Variants in HMMR observed in about 807,000 individuals in gnomAD.
The protein encoded by HMMR is intracellular hyaluronic acid-binding protein.
HMMR carries 108 observed loss-of-function variants against 101.0 expected under a neutral mutation model. That is an observed-to-expected ratio of 1.07 (90% CI 0.92 to 1.25). HMMR has a LOEUF of 1.25. HMMR is among the 50% of genes most tolerant of loss of function. HMMR has a pLI of 0.00. For missense variants in HMMR, 813 were observed against 788.7 expected, an observed-to-expected ratio of 1.03 and a Z score of -0.37; for synonymous variants, 296 against 276.4, an observed-to-expected ratio of 1.07 and a Z score of -0.70.
Position 163,473,189 on chromosome 5 carries a change from GAGAA to G in HMMR, c.667_670del (p.Glu223ArgfsTer30). 6.5e-7 allele frequency: 1 copy of G among 1,532,648 alleles called. No homozygotes were observed. 94.9% of individuals were successfully genotyped at this position (1,532,648 alleles called of 1,614,324 possible). On this transcript the variant is annotated frameshift_variant, in exon 8 of 18. Coordinates refer to ENST00000393915, the MANE Select transcript of HMMR (RefSeq NM_001142556.2). LOFTEE classifies it high-confidence loss of function. ...CAATTTTTGTTTTAGTGTTTCAATA[GAGAA>G]AGAAAAGATTGATGAAAAATCTGAA...
At chr5:163,478,431 A>G (rs1759140523) in intron 11 of HMMR, among the ~76,000 whole-genome samples, 1 of 152,308 alleles carries the variant, frequency 6.6e-6, no homozygotes, top group South Asian at 2.1e-4. Flanking sequence ...ATAGTCTTTT[A>G]TATCCTACTA....
chr5:163,461,362 TAAATTTGCTCAG>T (rs1355160636), intron 1 of HMMR, among the ~76,000 whole-genome samples: 1 of 152,172 alleles, frequency 6.6e-6, no homozygotes, highest in East Asian at 1.9e-4. Context: ...GACTGAGACT[TAAATTTGCTCAG>T]TGCTACATTA....
chr5:163,460,634 T>C lies in HMMR; in HGVS notation c.-59T>C. ...ATTTGAAACCGGTAGGGAGTGATAA[T>C]CCGCATTCAGTTGTCGAGGAGTGCC... On this transcript the variant is annotated 5_prime_UTR_variant, in exon 1 of 18. Transcript: ENST00000393915. 17 of 1,497,606 alleles carry C rather than the reference T, an allele frequency of 1.1e-5. No individual in the cohort carries two copies. Among genetic ancestry groups the C allele is most frequent in the Non-Finnish European group, 1.6e-5 (17 of 1,091,760 alleles). 92.8% of individuals were successfully genotyped at this position (1,497,606 alleles called of 1,614,324 possible).
At chr5:163,463,732 T>C (rs1334804094) in intron 1 of HMMR, 124 bp from the exon 2 acceptor site, 1 of 439,944 alleles carries the variant, frequency 2.3e-6, no homozygotes, top group Non-Finnish European at 4.1e-6. Flanking sequence ...TGCAATTTTT[T>C]ACATTTAAAA....
intron 12 of HMMR, among the ~76,000 whole-genome samples, chr5:163,479,524 A>AAT (rs1192541973): frequency 6.6e-5 from 10 of 151,972 alleles, no homozygotes; most frequent in African/African-American, 2.2e-4. Context: ...AAATATTAAG[A>AAT]ATTAGCCAGG....
At chr5:163,476,142 G>A (rs188248812) in intron 11 of HMMR, among the ~76,000 whole-genome samples, 133 of 151,772 alleles carry the variant, frequency 8.8e-4, no homozygotes, top group African/African-American at 3.1e-3. Context: ...GTGAGACCTC[G>A]TCTCTACTAA....
chr5:163,482,718 G>A lies in HMMR; in HGVS notation c.1462G>A (p.Ala488Thr), dbSNP rs758293935. Residue 488 changes from alanine (A) to threonine (T), a missense_variant, in exon 13 of 18, where the codon GCT becomes ACT. By Grantham distance (58) the Ala-to-Thr change is moderately conservative. Coordinates refer to ENST00000393915, the MANE Select transcript of HMMR (RefSeq NM_001142556.2). Reference protein sequence around the residue: ...NSSLQEKAAKAGKNAEDVQHQ... With the variant: ...NSSLQEKAAKTGKNAEDVQHQ... ...ATCATTACAGGAAAAAGCGGCCAAG[G>A]CTGGGAAAAATGCAGAGGATGTTCA... 1 of 1,613,766 alleles carries A rather than the reference G, an allele frequency of 6.2e-7. No individual in the cohort carries two copies. The highest frequency in any genetic ancestry group is 2.2e-5 in the East Asian group (1 of 44,858).
chr5:163,469,156 A>G (rs6888006), intron 4 of HMMR, among the ~76,000 whole-genome samples: 10,902 of 151,520 alleles, frequency 0.072, 454 homozygotes, highest in African/African-American at 0.13. Context: ...CGAGGTCAGG[A>G]GATCGAGACC....
At chr5:163,480,159 A>G (rs948277144) in intron 12 of HMMR, among the ~76,000 whole-genome samples, 2 of 152,196 alleles carry the variant, frequency 1.3e-5, no homozygotes, top group Non-Finnish European at 1.5e-5. Context: ...TTCCTCTGCC[A>G]TCCCATGAAA....
At chr5:163,475,701 G>A (rs299291) in intron 11 of HMMR, 29 bp downstream of exon 11, 384,133 of 1,184,340 alleles carry the variant, frequency 0.32, 67,002 homozygotes, top group African/African-American at 0.57. Flanking sequence ...TCATGTTTAT[G>A]TATGACTTCA....
chr5:163,483,844 C>T (rs545304354), intron 15 of HMMR, among the ~76,000 whole-genome samples: 1 of 152,170 alleles, frequency 6.6e-6, no homozygotes, highest in South Asian at 2.1e-4. Flanking sequence ...AACTGGCCAG[C>T]TGGCTTTTTT....
In HMMR at chr5:163,463,884, T is replaced by C; in HGVS notation, c.75T>C (p.Asp25=). ...GTGCACCATCTCCAGGTGCTTATGA[T>C]GTTAAAACTTTAGAAGTATTGAAAG... ...SGCAPSPGAY[D]VKTLEVLKGP... is the part of the protein sequence containing the mutation. Residue 25 remains aspartate, a synonymous_variant, in exon 2 of 18, where the codon GAT becomes GAC. Coordinates refer to ENST00000393915, the MANE Select transcript of HMMR (RefSeq NM_001142556.2). 1 of 1,488,550 alleles carries C rather than the reference T, an allele frequency of 6.7e-7. No individual in the cohort carries two copies. The highest frequency in any genetic ancestry group is 9.0e-7 in the Non-Finnish European group (1 of 1,116,656). The allele number at this position is 1,488,550 out of a possible 1,614,324, so 92.2% of individuals were successfully genotyped here.
chr5:163,471,080 CA>C, intron 5 of HMMR, 104 bp from the exon 6 acceptor site: 1 of 699,822 alleles, frequency 1.4e-6, no homozygotes, highest in East Asian at 2.7e-5. Context: ...ATATTAAAGT[CA>C]AAAACATAAC....
chr5:163,464,358 G>A (rs940295538), intron 2 of HMMR, among the ~76,000 whole-genome samples: 1 of 152,192 alleles, frequency 6.6e-6, no homozygotes, highest in Non-Finnish European at 1.5e-5. Context: ...GCTCGTGCTC[G>A]TAATCCTGGC....
chr5:163,461,089 CACTGGAGTATT>C (rs1198324350), intron 1 of HMMR, among the ~76,000 whole-genome samples: 1 of 152,160 alleles, frequency 6.6e-6, no homozygotes, highest in East Asian at 1.9e-4. Context: ...CTGATAAGAA[CACTGGAGTATT>C]ACTTGTAGTC....
intron 16 of HMMR, among the ~76,000 whole-genome samples, chr5:163,485,080 A>G (rs752178139): frequency 2.6e-5 from 4 of 152,200 alleles, no homozygotes; most frequent in Non-Finnish European, 5.9e-5. Context: ...ACATTCATGT[A>G]CAAGTTTTTG....
At chr5:163,486,929 GT>G (rs1483214245) in intron 16 of HMMR, among the ~76,000 whole-genome samples, 10 of 152,264 alleles carry the variant, frequency 6.6e-5, no homozygotes, top group African/African-American at 2.4e-4. Flanking sequence ...AAATACAAAA[GT>G]TAGCTAGGTG....
chr5:163,484,192 C>CA lies in HMMR; in HGVS notation c.1915dup (p.Ile639AsnfsTer10), dbSNP rs774501154. On this transcript the variant is annotated frameshift_variant, in exon 16 of 18. Coordinates refer to ENST00000393915, the MANE Select transcript of HMMR (RefSeq NM_001142556.2). LOFTEE classifies it high-confidence loss of function. Reference sequence around the variant, plus strand: ...ATTATTGGGTCATCAGAATTTGAAACAAAAAATCAAGCATGTTGTGAAGTT... The same window carrying CA: ...ATTATTGGGTCATCAGAATTTGAAACAAAAAAATCAAGCATGTTGTGAAGTT... 2.5e-6 allele frequency: 4 copies of CA among 1,601,900 alleles called. No homozygotes were observed. The highest frequency in any genetic ancestry group is 1.7e-5 in the Admixed American group (1 of 57,922).
At chr5:163,464,915 C>A in intron 3 of HMMR, 113 bp downstream of exon 3, 1 of 667,632 alleles carries the variant, frequency 1.5e-6, no homozygotes, top group Non-Finnish European at 2.6e-6. Flanking sequence ...ATAAGTAAAT[C>A]TGTAAATTAA....
Sources: allele counts gnomAD v4.1 joint callset (sites outside exome capture counted in the v4.1 genomes callset), GRCh38; gene constraint gnomAD v4.1.1; transcripts MANE v1.5; gene names NCBI Gene and HGNC (gene_info 2026-07-23, HGNC 2026-07-21).